FAR2: variants seen among roughly 807,000 people sequenced by gnomAD.
The protein encoded by FAR2 is epididymis secretory protein Li 81.
Under a neutral mutation model 56.0 loss-of-function variants are expected in FAR2, and 19 were observed. The observed-to-expected ratio is 0.34, with a 90% CI of 0.24 to 0.50. The LOEUF (loss-of-function observed/expected upper bound fraction) is 0.50. Ranked by LOEUF, FAR2 falls within the 20% of genes least tolerant of loss-of-function variation. The pLI, the probability that FAR2 is intolerant of heterozygous loss-of-function variation, is 0.98. For missense variants in FAR2, 508 were observed against 642.2 expected (o/e 0.79, Z 2.26); for synonymous variants, 219 against 218.8 (o/e 1.00, Z -0.01).
chr12:29,230,992 C>T (rs1947849334), intron 1 of FAR2, among the ~76,000 whole-genome samples: 1 of 152,140 alleles, frequency 6.6e-6, no homozygotes, highest in African/African-American at 2.4e-5. Flanking sequence ...CCATGCTGTC[C>T]AATGTGCTGA....
intron 6 of FAR2, 106 bp from the exon 7 acceptor site, chr12:29,310,921 GC>G (rs1401348218): frequency 1.2e-6 from 1 of 811,954 alleles, no homozygotes; most frequent in Admixed American, 1.9e-5. Flanking sequence ...ATCAATGTTA[GC>G]TGTTTTCACT....
intron 4 of FAR2, among the ~76,000 whole-genome samples, chr12:29,302,301 C>T (rs1413416038): frequency 2.0e-5 from 3 of 149,608 alleles, no homozygotes; most frequent in Admixed American, 6.7e-5. Flanking sequence ...CCAAAGAGCT[C>T]GTATCCAAGA....
intron 1 of FAR2, among the ~76,000 whole-genome samples, chr12:29,230,168 CAG>C (rs1156755286): frequency 6.6e-6 from 1 of 152,068 alleles, no homozygotes; most frequent in Non-Finnish European, 1.5e-5. Flanking sequence ...TGACTAGAAA[CAG>C]ATGACGTAAA....
intron 2 of FAR2, among the ~76,000 whole-genome samples, chr12:29,274,496 A>G (rs973398765): frequency 2.0e-5 from 3 of 152,066 alleles, no homozygotes; most frequent in South Asian, 4.1e-4. Context: ...TAGTGCCGCA[A>G]TAAACATACA....
intron 2 of FAR2, among the ~76,000 whole-genome samples, chr12:29,287,804 A>G (rs2136740019): frequency 6.6e-6 from 1 of 152,318 alleles, no homozygotes; most frequent in Non-Finnish European, 1.5e-5. Flanking sequence ...TCCTGTGGAT[A>G]CTTACAAAAT....
At chr12:29,178,985 C>G (rs1321434087) in intron 1 of FAR2, among the ~76,000 whole-genome samples, 2 of 151,890 alleles carry the variant, frequency 1.3e-5, no homozygotes, top group Non-Finnish European at 2.9e-5. Flanking sequence ...TTCCTGGCCT[C>G]TCTCTCTCTT....
chr12:29,149,515 G>T (rs1224231921), intron 1 of FAR2, 108 bp downstream of exon 1: 2 of 152,432 alleles, frequency 1.3e-5, no homozygotes, highest in Non-Finnish European at 2.9e-5. Flanking sequence ...TTCGCAGGGC[G>T]GGGCGGTTCC....
At position 29,253,560 on chromosome 12, in the gene FAR2, G is replaced by C. The variant is rs1433018244; in HGVS notation, c.-38-16852G>C. ...GAAAAAGCCTTTAATTCTAAGCAAA[G>C]CATAAAAAAATGTGTTGGCTTACTA... On this transcript the variant is annotated intron_variant, in intron 1 of 11. Transcript: ENST00000536681. 2.0e-5 allele frequency among the ~76,000 whole-genome samples: 3 copies of C among 151,910 alleles called. No individual in the cohort carries two copies. The East Asian group carries it at 5.8e-4, about 29-fold the overall frequency.
At chr12:29,207,923 C>T (rs1947494960) in intron 1 of FAR2, among the ~76,000 whole-genome samples, 1 of 152,158 alleles carries the variant, frequency 6.6e-6, no homozygotes, top group African/African-American at 2.4e-5. Context: ...TTATTTAGGC[C>T]AGGCATGGTG....
At chr12:29,274,035 GTGTT>G (rs1447197051) in intron 2 of FAR2, among the ~76,000 whole-genome samples, 2 of 150,264 alleles carry the variant, frequency 1.3e-5, no homozygotes, top group African/African-American at 2.4e-5. Flanking sequence ...CACGGTTATT[GTGTT>G]TGTTTTTCTT....
At chr12:29,230,934 T>C (rs573595068) in intron 1 of FAR2, among the ~76,000 whole-genome samples, 2 of 152,292 alleles carry the variant, frequency 1.3e-5, no homozygotes, top group Non-Finnish European at 2.9e-5. Context: ...TTTGTCATAT[T>C]TGATGAACTT....
chr12:29,198,569 TTATGTTTATCAGTAA>T, intron 1 of FAR2, among the ~76,000 whole-genome samples: 1 of 152,154 alleles, frequency 6.6e-6, no homozygotes, highest in African/African-American at 2.4e-5. Context: ...CATCTTCCCT[TTATGTTTATCAGTAA>T]TGTTCATAGC....
chr12:29,163,236 A>G (rs1368284977), intron 1 of FAR2, among the ~76,000 whole-genome samples: 2 of 152,176 alleles, frequency 1.3e-5, no homozygotes, highest in African/African-American at 4.8e-5. Flanking sequence ...TCTGTGCCTT[A>G]GTTTTCTATT....
intron 1 of FAR2, among the ~76,000 whole-genome samples, chr12:29,265,652 C>G (rs1349253537): frequency 6.8e-6 from 1 of 147,876 alleles, no homozygotes; most frequent in Non-Finnish European, 1.5e-5. Flanking sequence ...CAAACAGAAG[C>G]AAAAATGCAC....
In FAR2 at chr12:29,232,823, A is replaced by G. The variant is rs768687434; in HGVS notation, c.-38-37589A>G. 2.7e-3 allele frequency among the ~76,000 whole-genome samples: 355 copies of G among 133,372 alleles called. 3 individuals are homozygous for G. Among genetic ancestry groups the G allele is most frequent in the Admixed American group, 7.8e-3 (110 of 14,094 alleles). The allele number at this position is 133,372 out of a possible 152,430, so 87.5% of individuals were successfully genotyped here. ...CACACACACACATACGCGCTCGCGC[A>G]CACACACACACACACACACACACAG... On this transcript the variant is annotated intron_variant, in intron 1 of 11. Coordinates refer to ENST00000536681, the MANE Select transcript of FAR2 (RefSeq NM_001271783.2).
chr12:29,277,420 G>A (rs1393540967), intron 2 of FAR2: 2 of 152,188 alleles, frequency 1.3e-5, no homozygotes, highest in Non-Finnish European at 2.9e-5. Flanking sequence ...TATTTATTGA[G>A]AGCCAAATGT....
chr12:29,330,192 G>A (rs1418217688), intron 10 of FAR2, among the ~76,000 whole-genome samples: 1 of 151,618 alleles, frequency 6.6e-6, no homozygotes, highest in African/African-American at 2.4e-5. Context: ...AAGTAGCTGC[G>A]ACTACAGGCG....
chr12:29,197,757 T>C (rs1357502412), intron 1 of FAR2, among the ~76,000 whole-genome samples: 1 of 152,208 alleles, frequency 6.6e-6, no homozygotes, highest in Non-Finnish European at 1.5e-5. Flanking sequence ...TGTGGAGCAT[T>C]GACTTCTTTC....
chr12:29,151,860 A>G (rs1242433182), intron 1 of FAR2: 2 of 152,224 alleles, frequency 1.3e-5, no homozygotes, highest in African/African-American at 2.4e-5. Context: ...AAAAAGAGGT[A>G]ATAATTGTAA....
Sources: allele counts gnomAD v4.1 joint callset (sites outside exome capture counted in the v4.1 genomes callset), GRCh38; gene constraint gnomAD v4.1.1; transcripts MANE v1.5; gene names NCBI Gene and HGNC (gene_info 2026-07-23, HGNC 2026-07-21).